Variants in ITGA9 observed in about 807,000 individuals in gnomAD.
The protein encoded by ITGA9 is integrin subunit alpha 9, also known as integrin alpha-9.
In ITGA9, 56 loss-of-function variants were observed where a neutral mutation model predicts 127.8. That is an observed-to-expected ratio of 0.44 (90% CI 0.35 to 0.55). The LOEUF is 0.55. Ranked by LOEUF, ITGA9 falls within the 20% of genes least tolerant of loss-of-function variation. The probability of loss-of-function intolerance (pLI) is 0.00; values close to 1 mark genes in which losing one functional copy is unlikely to be tolerated. For synonymous variants in ITGA9, 508 were observed against 514.5 expected (o/e 0.99, Z 0.17); for missense variants, 1,196 against 1,347.1 (o/e 0.89, Z 1.76).
chr3:37,576,153 C>T (rs575946781), intron 15 of ITGA9, among the ~76,000 whole-genome samples: 1 of 152,246 alleles, frequency 6.6e-6, no homozygotes. Context: ...GCGTCCTTGT[C>T]CTCAAGGGCG....
chr3:37,693,253 C>T (rs1426054212), intron 18 of ITGA9, among the ~76,000 whole-genome samples: 1 of 152,092 alleles, frequency 6.6e-6, no homozygotes, highest in Non-Finnish European at 1.5e-5. Flanking sequence ...CTTATTTCCT[C>T]CATGGGAGGG....
intron 15 of ITGA9, among the ~76,000 whole-genome samples, chr3:37,545,083 G>A (rs986831780): frequency 2.6e-5 from 4 of 152,214 alleles, no homozygotes; most frequent in Admixed American, 1.3e-4. Context: ...GCAAGGATGA[G>A]GGGAAGGGGA....
intron 3 of ITGA9, among the ~76,000 whole-genome samples, chr3:37,481,104 A>G (rs1410890873): frequency 6.6e-6 from 1 of 152,040 alleles, no homozygotes; most frequent in African/African-American, 2.4e-5. Context: ...TATCCTTTAC[A>G]TTCTGCTATC....
chr3:37,767,263 G>A (rs1575228485), intron 23 of ITGA9, among the ~76,000 whole-genome samples: 2 of 152,318 alleles, frequency 1.3e-5, no homozygotes, highest in South Asian at 2.1e-4. Context: ...CCTCTGAAAC[G>A]TTGGTCTGGA....
chr3:37,790,808 A>G (rs1697100084), intron 26 of ITGA9: 1 of 152,828 alleles, frequency 6.5e-6, no homozygotes, highest in Admixed American at 6.5e-5. Flanking sequence ...TGCCAATTAC[A>G]TGTTGAATTT....
intron 18 of ITGA9, among the ~76,000 whole-genome samples, chr3:37,700,255 A>G (rs999394941): frequency 1.3e-5 from 2 of 150,206 alleles, no homozygotes; most frequent in Non-Finnish European, 3.0e-5. Flanking sequence ...AAGTGCTGGG[A>G]TGACAGGTGT....
chr3:37,481,064 C>A (rs1698546937), intron 3 of ITGA9, among the ~76,000 whole-genome samples: 1 of 152,180 alleles, frequency 6.6e-6, no homozygotes, highest in Non-Finnish European at 1.5e-5. Context: ...GCCTTTCTTT[C>A]TCTTGAGCCT....
intron 4 of ITGA9, among the ~76,000 whole-genome samples, chr3:37,483,291 G>A (rs76596745): frequency 0.069 from 10,451 of 152,172 alleles, 540 homozygotes; most frequent in African/African-American, 0.15. Context: ...TGTGTACGCA[G>A]GTCCACGAGG....
chr3:37,507,636 C>G (rs1394948935), intron 7 of ITGA9, among the ~76,000 whole-genome samples: 1 of 152,176 alleles, frequency 6.6e-6, no homozygotes, highest in Non-Finnish European at 1.5e-5. Context: ...AAAAATGCTT[C>G]TTTCAATTAG....
chr3:37,817,072 T>G (rs546237001), intron 27 of ITGA9, among the ~76,000 whole-genome samples: 3 of 152,218 alleles, frequency 2.0e-5, no homozygotes, highest in African/African-American at 7.2e-5. Context: ...CCTTCCCTTC[T>G]TCAGGGGAGC....
chr3:37,694,421 T>A (rs907929396), intron 18 of ITGA9, among the ~76,000 whole-genome samples: 4 of 152,214 alleles, frequency 2.6e-5, no homozygotes, highest in African/African-American at 9.7e-5. Flanking sequence ...GGCTGGGCGC[T>A]TCCTGCGGCA....
chr3:37,585,285 G>C (rs1012855768), intron 15 of ITGA9, among the ~76,000 whole-genome samples: 1 of 152,138 alleles, frequency 6.6e-6, no homozygotes, highest in Non-Finnish European at 1.5e-5. Context: ...TGCTCAATAA[G>C]TGCATGGTTG....
At chr3:37,647,594 T>C (rs1242203641) in intron 16 of ITGA9, among the ~76,000 whole-genome samples, 1 of 152,128 alleles carries the variant, frequency 6.6e-6, no homozygotes, top group Non-Finnish European at 1.5e-5. Context: ...ACCAAAACTT[T>C]GTACCTTTGA....
intron 7 of ITGA9, among the ~76,000 whole-genome samples, chr3:37,507,905 C>G: frequency 6.6e-6 from 1 of 152,238 alleles, no homozygotes; most frequent in East Asian, 1.9e-4. Context: ...CTTCCATAGT[C>G]AAGTACATTT....
intron 27 of ITGA9, 128 bp from the exon 28 acceptor site, chr3:37,818,763 G>A: frequency 1.4e-6 from 1 of 724,686 alleles, no homozygotes. Context: ...TCTAATCCGA[G>A]GGGTCCTCCA....
intron 15 of ITGA9, among the ~76,000 whole-genome samples, chr3:37,562,820 G>A (rs892732208): frequency 6.6e-6 from 1 of 152,180 alleles, no homozygotes; most frequent in Non-Finnish European, 1.5e-5. Flanking sequence ...GCATGTGGCA[G>A]ATGTATCCTT....
intron 13 of ITGA9, among the ~76,000 whole-genome samples, chr3:37,531,107 G>C (rs1460736152): frequency 6.8e-6 from 1 of 146,284 alleles, no homozygotes; most frequent in East Asian, 2.1e-4. Context: ...GCTGTCCTTG[G>C]GTGCTCCTTT....
chr3:37,525,660 A>T (rs948955953), intron 12 of ITGA9, among the ~76,000 whole-genome samples: 1 of 152,174 alleles, frequency 6.6e-6, no homozygotes, highest in Non-Finnish European at 1.5e-5. Flanking sequence ...AATTTTATTA[A>T]TTTTTTTAGC....
In ITGA9 at chr3:37,486,359, A is replaced by G. The variant is rs549923849; in HGVS notation, c.544+4752A>G. On this transcript the variant is annotated intron_variant, in intron 4 of 27. Coordinates refer to ENST00000264741, the MANE Select transcript of ITGA9 (RefSeq NM_002207.3). ...CTCACTTATTGCTATGATTAAACCT[A>G]TATGCTCCTACTTTCTGACTTAGTG... Among the ~76,000 whole-genome samples the G allele has an allele frequency of 2.0e-5, 3 of 152,274 alleles. No individual in the cohort carries two copies. The East Asian group carries it at 5.8e-4, about 29-fold the overall frequency.
Sources: gnomAD v4.1 joint callset for allele counts (sites outside exome capture counted in the v4.1 genomes callset) on GRCh38, gnomAD v4.1.1 for gene constraint, MANE v1.5 for transcripts, NCBI Gene and HGNC (gene_info 2026-07-23, HGNC 2026-07-21) for gene names.